DOT1L: variants seen among roughly 807,000 people sequenced by gnomAD.
DOT1L encodes the protein histone-lysine N-methyltransferase, H3 lysine-79 specific.
DOT1L carries 33 observed loss-of-function variants against 153.3 expected under a neutral mutation model. That is an observed-to-expected ratio of 0.22 (90% CI 0.16 to 0.29). DOT1L has a LOEUF of 0.29. DOT1L is among the 10% of genes least tolerant of loss of function. DOT1L has a pLI of 1.00. For missense variants in DOT1L, 1,847 were observed against 2,119.9 expected (o/e 0.87, Z 2.53); for synonymous variants, 1,135 against 965.1 (o/e 1.18, Z -3.26).
chr19:2,169,031 C>T (rs944884652), intron 1 of DOT1L, among the ~76,000 whole-genome samples: 3 of 152,164 alleles, frequency 2.0e-5, no homozygotes, highest in African/African-American at 7.2e-5. Flanking sequence ...CGGGACCTTC[C>T]CCCTGGTGAC....
At chr19:2,176,417 C>T (rs1360095785) in intron 1 of DOT1L, among the ~76,000 whole-genome samples, 3 of 152,144 alleles carry the variant, frequency 2.0e-5, no homozygotes, top group Non-Finnish European at 2.9e-5. Flanking sequence ...AGTTGCAGAG[C>T]GAGTTCACCC....
At position 2,213,550 on chromosome 19, in the gene DOT1L, CCAGCTCCTGGGTG is replaced by C. The variant is rs2023787506; in HGVS notation, c.1571_1583del (p.Gln524ArgfsTer29). ...TGTTTGTCCTACAGGAGAAGAACGC[CCAGCTCCTGGGTG>C]CGGCTCAGCAGCTCCTCAGCCACTG... is the stretch of plus-strand genomic sequence containing the variant. On this transcript the variant is annotated frameshift_variant, in exon 17 of 28. Coordinates refer to ENST00000398665, the MANE Select transcript of DOT1L (RefSeq NM_032482.3). LOFTEE classifies it high-confidence loss of function. 1 of 1,612,774 alleles carries C rather than the reference CCAGCTCCTGGGTG, an allele frequency of 6.2e-7. No individual in the cohort carries two copies. The highest frequency in any genetic ancestry group is 1.3e-5 in the African/African-American group (1 of 74,922).
In DOT1L at chr19:2,230,891, G is replaced by T; in HGVS notation, c.*1099G>T. 1 of 313,312 alleles carries T rather than the reference G, an allele frequency of 3.2e-6. No individual in the cohort carries two copies. Among genetic ancestry groups the T allele is most frequent in the East Asian group, 4.7e-5 (1 of 21,358 alleles). 19.4% of individuals were successfully genotyped at this position (313,312 alleles called of 1,614,324 possible). Reference sequence around the variant, plus strand: ...CCACATCCCTTCCTGTCAGGGCCACGCCTGGCACCCATCCCTTGGAGCCTG... The same window carrying T: ...CCACATCCCTTCCTGTCAGGGCCACTCCTGGCACCCATCCCTTGGAGCCTG... On this transcript the variant is annotated 3_prime_UTR_variant, in exon 28 of 28. Coordinates refer to ENST00000398665, the MANE Select transcript of DOT1L (RefSeq NM_032482.3).
chr19:2,228,892 C>T (rs2024482534), intron 27 of DOT1L: 1 of 985,298 alleles, frequency 1.0e-6, no homozygotes, highest in African/African-American at 1.7e-5. Flanking sequence ...TGGCCAGTAG[C>T]CTCGGATGCC....
At chr19:2,218,486 C>T (rs1406551366) in intron 22 of DOT1L, among the ~76,000 whole-genome samples, 7 of 151,732 alleles carry the variant, frequency 4.6e-5, no homozygotes, top group African/African-American at 9.7e-5. Context: ...CTCCACCTCC[C>T]GGGTTCACGC....
Position 2,231,344 on chromosome 19 carries a change from G to A in DOT1L, c.*1552G>A. 9.4e-6 allele frequency: 2 copies of A among 211,716 alleles called. No homozygotes were observed. 13.1% of individuals were successfully genotyped at this position (211,716 alleles called of 1,614,324 possible). On this transcript the variant is annotated 3_prime_UTR_variant, in exon 28 of 28. Coordinates refer to ENST00000398665, the MANE Select transcript of DOT1L (RefSeq NM_032482.3). ...GCCAGCCCTGTGTTCTGGTTCCCAA[G>A]GGCAGGATGGACACACGTCACATCC...
chr19:2,200,585 G>T (rs2023214551), intron 8 of DOT1L, among the ~76,000 whole-genome samples: 1 of 152,132 alleles, frequency 6.6e-6, no homozygotes, highest in South Asian at 2.1e-4. Flanking sequence ...AGGCGCTTGT[G>T]AGGGCAGCCG....
intron 10 of DOT1L, 73 bp downstream of exon 10, chr19:2,206,870 C>A (rs2023517587): frequency 6.8e-7 from 1 of 1,468,286 alleles, no homozygotes; most frequent in East Asian, 2.3e-5. Context: ...TTCCTAGGTC[C>A]CTCTTCCTTG....
chr19:2,180,245 C>T (rs541939196), intron 1 of DOT1L, among the ~76,000 whole-genome samples: 15 of 152,282 alleles, frequency 9.9e-5, no homozygotes, highest in Admixed American at 5.2e-4. Context: ...CCTTTGCCAA[C>T]GCAGGACTCC....
chr19:2,220,376 C>G lies in DOT1L; in HGVS notation c.2806+154C>G. On this transcript the variant is annotated intron_variant, in intron 23 of 27. Coordinates refer to ENST00000398665, the MANE Select transcript of DOT1L (RefSeq NM_032482.3). The surrounding 1 kb of genome is among the most constrained non-coding windows in gnomAD (Gnocchi z 4.5). ...CCACGCCTCATTACTGACACCCTTT[C>G]CTGCATCCCACGAGCTGGGATGCGG... The G allele has an allele frequency of 1.3e-6, 1 of 776,008 alleles. No individual in the cohort carries two copies. The highest frequency in any genetic ancestry group is 2.2e-6 in the Non-Finnish European group (1 of 454,246). The allele number at this position is 776,008 out of a possible 1,614,324, so 48.1% of individuals were successfully genotyped here.
At position 2,164,246 on chromosome 19, in the gene DOT1L, C is replaced by T; in HGVS notation, c.62C>T (p.Pro21Leu). ...GTGGGGGCTGAGCCCGCCGTCTACC[C>T]GTGGCCGCTGCCGGTCTACGTGAGT... ...SPVGAEPAVY[P>L]WPLPVYDKHH... The change falls in exon 1 of 28, where the codon CCG (proline) becomes CTG (leucine). Residue 21 changes from proline (P) to leucine (L), a missense_variant. Transcript: ENST00000398665. 1 of 1,286,670 alleles carries T rather than the reference C, an allele frequency of 7.8e-7. No homozygotes were observed. Among genetic ancestry groups the T allele is most frequent in the Non-Finnish European group, 9.9e-7 (1 of 1,014,034 alleles). The allele number at this position is 1,286,670 out of a possible 1,614,324, so 79.7% of individuals were successfully genotyped here.
intron 7 of DOT1L, among the ~76,000 whole-genome samples, chr19:2,196,446 C>G (rs576809173): frequency 1.2e-4 from 19 of 152,336 alleles, no homozygotes; most frequent in African/African-American, 4.6e-4. Context: ...GATTCTCCTG[C>G]CTTTGCCTCC....
intron 3 of DOT1L, among the ~76,000 whole-genome samples, chr19:2,188,518 C>T (rs903456091): frequency 4.7e-5 from 7 of 148,108 alleles, no homozygotes; most frequent in South Asian, 4.4e-4. Context: ...CAGGCCCCCT[C>T]GGCGCTGGGG....
intron 1 of DOT1L, among the ~76,000 whole-genome samples, chr19:2,170,728 A>C (rs1462811265): frequency 4.6e-5 from 7 of 152,142 alleles, no homozygotes; most frequent in Non-Finnish European, 1.0e-4. Context: ...ACATTGCCTC[A>C]GTGGCTCACA....
chr19:2,229,615 C>T (rs945081254), intron 27 of DOT1L, 170 bp from the exon 28 acceptor site: 157 of 985,328 alleles, frequency 1.6e-4, no homozygotes, highest in Admixed American at 4.9e-4. Context: ...TCACGGGGCA[C>T]GCCCGTCGTC....
At chr19:2,213,786 C>G (rs2023798946) in intron 17 of DOT1L, 63 bp from the exon 18 acceptor site, 1 of 1,608,512 alleles carries the variant, frequency 6.2e-7, no homozygotes, top group Non-Finnish European at 8.5e-7. Context: ...GGTGGTCATG[C>G]CTGGGGGCTT....
chr19:2,226,428 G>T lies in DOT1L; in HGVS notation c.3907G>T (p.Ala1303Ser). The T allele has an allele frequency of 6.2e-7, 1 of 1,601,030 alleles. No homozygotes were observed. Residue 1303 changes from alanine to serine, a missense_variant, in exon 27 of 28, where the codon GCT (alanine) becomes TCT (serine). Ala to Ser is a moderately conservative substitution (Grantham distance 99). Transcript: ENST00000398665. ...RKGFPGSLSG[A>S]DGLSPGTNPA... ...AGGCTTTCCCGGCTCCCTGTCGGGG[G>T]CTGACGGACTCAGCCCGGGCACCAA...
intron 1 of DOT1L, among the ~76,000 whole-genome samples, chr19:2,173,666 C>G (rs965061519): frequency 1.3e-5 from 2 of 152,240 alleles, no homozygotes; most frequent in Admixed American, 6.5e-5. Flanking sequence ...GTACAGCGGG[C>G]ACGGGTTCTG....
At chr19:2,173,105 C>T (rs78591932) in intron 1 of DOT1L, among the ~76,000 whole-genome samples, 4,714 of 152,284 alleles carry the variant, frequency 0.031, 93 homozygotes, top group Non-Finnish European at 0.048. Context: ...GAAACGCTGC[C>T]GCCTCAGCAG....
Sources: gnomAD v4.1 joint callset for allele counts (sites outside exome capture counted in the v4.1 genomes callset) on GRCh38, gnomAD v4.1.1 for gene constraint, Gnocchi (gnomAD v3.1) non-coding constraint, MANE v1.5 for transcripts, NCBI Gene and HGNC (gene_info 2026-07-23, HGNC 2026-07-21) for gene names.